The following ZNF451 variants were observed in gnomAD, a reference collection of about 807,000 sequenced individuals.
The protein encoded by ZNF451 is E3 SUMO-protein ligase ZNF451.
Under a neutral mutation model 107.1 loss-of-function variants are expected in ZNF451, and 80 were observed. The observed-to-expected ratio is 0.75, with a 90% confidence interval of 0.62 to 0.90. The LOEUF (loss-of-function observed/expected upper bound fraction) is 0.90. ZNF451 is among the 40% of genes least tolerant of loss of function. The pLI, the probability that ZNF451 is intolerant of heterozygous loss-of-function variation, is 0.00. For missense variants in ZNF451, 1,107 were observed against 1,236.2 expected (o/e 0.90, Z 1.57); for synonymous variants, 362 against 406.5 (o/e 0.89, Z 1.32).
chr6:57,142,089 A>G lies in ZNF451; in HGVS notation c.998A>G (p.His333Arg), dbSNP rs745661590. 2 of 1,611,550 alleles carry G rather than the reference A, an allele frequency of 1.2e-6. No homozygotes were observed. The highest frequency in any genetic ancestry group is 1.7e-6 in the Non-Finnish European group (2 of 1,177,958). The change falls in exon 9 of 15, where the codon CAT (histidine) becomes CGT (arginine). Residue 333 changes from histidine (H) to arginine (R), a missense_variant. By Grantham distance (29) the His-to-Arg change is conservative (BLOSUM62 0). Transcript: ENST00000370706. ...TLRSHMELTAHFRVHCRNAGP... is the reference protein window; with the variant it reads ...TLRSHMELTARFRVHCRNAGP... ...CGTTCCCACATGGAGCTCACTGCCC[A>G]TTTCAGGTTTGTATTGGTCTGGAGC...
At position 57,137,962 on chromosome 6, in the gene ZNF451, A is replaced by G. The variant is rs76312617; in HGVS notation, c.702+3092A>G. 8.6e-3 allele frequency among the ~76,000 whole-genome samples: 1,313 copies of G among 152,270 alleles called. 11 individuals carry two copies. Among genetic ancestry groups the G allele is most frequent in the African/African-American group, 0.027 (1,134 of 41,540 alleles). Reference sequence around the variant, plus strand: ...TCTTTTCATTGCCAAATAATATTTCATTGTAAGGACATATGCCGCATTGTA... The same window carrying G: ...TCTTTTCATTGCCAAATAATATTTCGTTGTAAGGACATATGCCGCATTGTA... On this transcript the variant is annotated intron_variant, in intron 7 of 14. Transcript: ENST00000370706.
chr6:57,121,359 GT>G (rs1455767764), intron 3 of ZNF451, among the ~76,000 whole-genome samples: 2 of 152,012 alleles, frequency 1.3e-5, no homozygotes, highest in Non-Finnish European at 2.9e-5. Flanking sequence ...TTGGCTAATA[GT>G]TTTTTTGCCT....
chr6:57,163,636 G>A (rs57420486), intron 14 of ZNF451, among the ~76,000 whole-genome samples: 1 of 150,296 alleles, frequency 6.7e-6, no homozygotes, highest in African/African-American at 2.4e-5. Flanking sequence ...ATTTTTAGTA[G>A]AGACGGGGTT....
chr6:57,148,815 G>T, intron 10 of ZNF451, 122 bp downstream of exon 10: 1 of 905,450 alleles, frequency 1.1e-6, no homozygotes, highest in Non-Finnish European at 1.6e-6. Flanking sequence ...TAATTATTAT[G>T]GTATATACAT....
At chr6:57,103,479 C>T (rs1829701596) in intron 3 of ZNF451, 2 of 985,372 alleles carry the variant, frequency 2.0e-6, no homozygotes, top group African/African-American at 1.7e-5. Context: ...GCAGATACCT[C>T]AATTATATGT....
rs377069766 is a variant in ZNF451 at position 57,148,278 on chromosome 6, A to T, written c.2193A>T (p.Lys731Asn). The T allele has an allele frequency of 6.2e-7, 1 of 1,614,024 alleles. No homozygotes were observed. Among genetic ancestry groups the T allele is most frequent in the Non-Finnish European group, 8.5e-7 (1 of 1,179,968 alleles). Residue 731 changes from lysine to asparagine, a missense_variant, in exon 10 of 15, where the codon AAA (lysine) becomes AAT (asparagine). Around this residue, in one of 5 missense-constraint regions of ZNF451, gnomAD observed 608 missense variants for 649.2 expected, o/e 0.94. Coordinates refer to ENST00000370706, the MANE Select transcript of ZNF451 (RefSeq NM_001031623.3). ...GTTGCCGTGAGAGTTACATCTGTAA[A>T]GTCAACAGAAAAGAAGATTATAGCA... The part of the protein sequence containing the change: ...TCGCRESYIC[K>N]VNRKEDYSRC...
intron 13 of ZNF451, among the ~76,000 whole-genome samples, chr6:57,159,747 A>C (rs1231899750): frequency 6.6e-6 from 1 of 152,124 alleles, no homozygotes; most frequent in East Asian, 1.9e-4. Context: ...ATTTTGCTGG[A>C]ATTAATAGCA....
intron 13 of ZNF451, among the ~76,000 whole-genome samples, chr6:57,157,039 G>T (rs1033361812): frequency 1.3e-5 from 2 of 152,150 alleles, no homozygotes; most frequent in Non-Finnish European, 2.9e-5. Flanking sequence ...CCCTGGGGTT[G>T]GGGACTCCTG....
chr6:57,123,008 C>G (rs1830717725), intron 3 of ZNF451, among the ~76,000 whole-genome samples: 1 of 152,076 alleles, frequency 6.6e-6, no homozygotes, highest in Admixed American at 6.6e-5. Context: ...GCCTCCATCT[C>G]TACAAGTAAG....
intron 2 of ZNF451, among the ~76,000 whole-genome samples, chr6:57,096,227 C>T (rs1290429051): frequency 7.3e-6 from 1 of 137,868 alleles, no homozygotes; most frequent in African/African-American, 2.7e-5. Flanking sequence ...TCTTGTCACC[C>T]AGGCTGGAGT....
At chr6:57,144,493 A>T (rs1401314223) in intron 9 of ZNF451, among the ~76,000 whole-genome samples, 1 of 152,014 alleles carries the variant, frequency 6.6e-6, no homozygotes, top group Non-Finnish European at 1.5e-5. Context: ...TGTCCGCCTC[A>T]GCCTCCCAAA....
intron 2 of ZNF451, among the ~76,000 whole-genome samples, chr6:57,094,151 A>G (rs1829178966): frequency 6.6e-6 from 1 of 152,218 alleles, no homozygotes; most frequent in South Asian, 2.1e-4. Flanking sequence ...CATAACAGGA[A>G]TGAAAGCTTT....
intron 5 of ZNF451, among the ~76,000 whole-genome samples, chr6:57,129,148 G>A (rs1018181895): frequency 5.9e-5 from 9 of 152,114 alleles, no homozygotes; most frequent in Admixed American, 5.9e-4. Flanking sequence ...TGGGAGGTGT[G>A]TAACAGATTA....
chr6:57,094,607 T>C (rs894157516), intron 2 of ZNF451, among the ~76,000 whole-genome samples: 1 of 152,212 alleles, frequency 6.6e-6, no homozygotes, highest in Non-Finnish European at 1.5e-5. Flanking sequence ...GTTAAAGATA[T>C]AAGTAGTAAT....
chr6:57,147,150 A>C lies in ZNF451; in HGVS notation c.1065A>C (p.Ala355=), dbSNP rs1410897155. 1 of 1,614,048 alleles carries C rather than the reference A, an allele frequency of 6.2e-7. No homozygotes were observed. Among genetic ancestry groups the C allele is most frequent in the Non-Finnish European group, 8.5e-7 (1 of 1,179,932 alleles). The change falls in exon 10 of 15, where the codon GCA becomes GCC. Residue 355 remains alanine, a synonymous_variant. Coordinates refer to ENST00000370706, the MANE Select transcript of ZNF451 (RefSeq NM_001031623.3). ...CTGAGAAGAGCATTACCCAGGTTGC[A>C]GAGAAATTCATATTAAGAGGTTATT... is the stretch of plus-strand genomic sequence containing the variant. ...AVAEKSITQV[A]EKFILRGYCP... is the part of the protein sequence containing the mutation.
chr6:57,130,025 C>A (rs967822684), intron 5 of ZNF451, among the ~76,000 whole-genome samples: 2 of 152,104 alleles, frequency 1.3e-5, no homozygotes, highest in Non-Finnish European at 2.9e-5. Flanking sequence ...TTCGATTGAT[C>A]CGTTTATATG....
In ZNF451 at chr6:57,147,656, C is replaced by T. The variant is rs1292970801; in HGVS notation, c.1571C>T (p.Ala524Val). The change falls in exon 10 of 15, where the codon GCA (alanine) becomes GTA (valine). Residue 524 changes from alanine (A) to valine (V), a missense_variant. Physicochemically the swap from Ala to Val is moderately conservative, Grantham distance 64. Coordinates refer to ENST00000370706, the MANE Select transcript of ZNF451 (RefSeq NM_001031623.3). ...CACATGAGCCGGATTCACGGAGGGG[C>T]ACATTTAAATAACTTTCTTTTCTGG... The part of the protein sequence containing the change: ...RLHMSRIHGG[A>V]HLNNFLFWCR... 1.2e-6 allele frequency: 2 copies of T among 1,613,918 alleles called. No individual in the cohort carries two copies. Among genetic ancestry groups the T allele is most frequent in the Non-Finnish European group, 1.7e-6 (2 of 1,179,988 alleles).
chr6:57,124,647 T>G, intron 3 of ZNF451, 87 bp from the exon 4 acceptor site: 1 of 961,602 alleles, frequency 1.0e-6, no homozygotes. Flanking sequence ...AAATGGTTCT[T>G]TAGTATAGTA....
chr6:57,104,870 C>G (rs1490959838), intron 3 of ZNF451: 1 of 985,242 alleles, frequency 1.0e-6, no homozygotes, highest in Admixed American at 6.1e-5. Flanking sequence ...GGGAAATTAT[C>G]AAATTGGTGA....
Sources: allele counts gnomAD v4.1 joint callset (sites outside exome capture counted in the v4.1 genomes callset), GRCh38; gene constraint gnomAD v4.1.1; regional missense constraint gnomAD v4.1.1; transcripts MANE v1.5; gene names NCBI Gene and HGNC (gene_info 2026-07-23, HGNC 2026-07-21).